Variants in B3GAT2 observed in about 807,000 individuals in gnomAD.
The protein encoded by B3GAT2 is galactosylgalactosylxylosylprotein 3-beta-glucuronosyltransferase 2.
Under a neutral mutation model 27.8 loss-of-function variants are expected in B3GAT2, and 26 were observed. That is an observed-to-expected ratio of 0.93 (90% CI 0.68 to 1.30). The LOEUF (loss-of-function observed/expected upper bound fraction) is 1.30, where lower values mean the gene tolerates loss of function less well. B3GAT2 is among the 50% of genes most tolerant of loss of function. B3GAT2 has a pLI of 0.00. For synonymous variants in B3GAT2, 218 were observed against 195.1 expected, an observed-to-expected ratio of 1.12 and a Z score of -0.98; for missense variants, 458 against 459.0, an observed-to-expected ratio of 1.00 and a Z score of 0.02.
intron 1 of B3GAT2, among the ~76,000 whole-genome samples, chr6:70,917,365 A>AT (rs879517057): frequency 4.0e-5 from 6 of 151,034 alleles, no homozygotes; most frequent in South Asian, 2.1e-4. Context: ...GGGTTCATTG[A>AT]TTTTTTTTAA....
At position 70,860,325 on chromosome 6, in the gene B3GAT2, G is replaced by C. The variant is rs1232385652; in HGVS notation, c.*1338C>G. The C allele has an allele frequency of 4.4e-6, 7 of 1,606,212 alleles. No homozygotes were observed. Among genetic ancestry groups the C allele is most frequent in the Middle Eastern group, 1.7e-4 (1 of 6,028 alleles). ...CAGGTCAGACTCTCAGCACACAACT[G>C]TGGAAATGAAAACTGCAATACAAGT... On this transcript the variant is annotated 3_prime_UTR_variant, in exon 4 of 4. Coordinates refer to ENST00000230053, the MANE Select transcript of B3GAT2 (RefSeq NM_080742.3).
chr6:70,892,235 C>T (rs1310448481), intron 2 of B3GAT2, among the ~76,000 whole-genome samples: 1 of 152,120 alleles, frequency 6.6e-6, no homozygotes, highest in African/African-American at 2.4e-5. Flanking sequence ...AAAAGAATTC[C>T]CACAGAATTT....
rs554092367 is a variant in B3GAT2, at chr6:70,945,894, C to G, written c.591+9945G>C. Among the ~76,000 whole-genome samples, 334 of 151,868 alleles carry G rather than the reference C, an allele frequency of 2.2e-3. 2 individuals carry two copies. Among genetic ancestry groups the G allele is most frequent in the Non-Finnish European group, 3.1e-3 (208 of 67,988 alleles). On this transcript the variant is annotated intron_variant, in intron 1 of 3. Coordinates refer to ENST00000230053, the MANE Select transcript of B3GAT2 (RefSeq NM_080742.3). ...ATCTCTCGGCAGAAACTCTACAAGC[C>G]AGAAGAGAGTGGGGGCCAATATTCA...
intron 1 of B3GAT2, among the ~76,000 whole-genome samples, chr6:70,897,422 A>C (rs1411934953): frequency 6.6e-6 from 1 of 151,970 alleles, no homozygotes; most frequent in Non-Finnish European, 1.5e-5. Flanking sequence ...TTTATGGATC[A>C]TGCTTTTGAT....
At chr6:70,917,217 T>C (rs182845843) in intron 1 of B3GAT2, among the ~76,000 whole-genome samples, 1 of 152,346 alleles carries the variant, frequency 6.6e-6, no homozygotes, top group East Asian at 1.9e-4. Flanking sequence ...TGATGATAGT[T>C]TGTATTTCCG....
chr6:70,953,623 A>T (rs894646370), intron 1 of B3GAT2, among the ~76,000 whole-genome samples: 2 of 152,204 alleles, frequency 1.3e-5, no homozygotes, highest in Non-Finnish European at 2.9e-5. Context: ...CATGCCTATT[A>T]TGCTTAAAAT....
intron 1 of B3GAT2, among the ~76,000 whole-genome samples, chr6:70,924,565 C>G (rs185791930): frequency 2.0e-4 from 30 of 152,132 alleles, no homozygotes; most frequent in Non-Finnish European, 3.5e-4. Flanking sequence ...AAATATAGAC[C>G]AATGGACTAG....
At chr6:70,905,623 T>C (rs1772589098) in intron 1 of B3GAT2, among the ~76,000 whole-genome samples, 1 of 152,180 alleles carries the variant, frequency 6.6e-6, no homozygotes, top group South Asian at 2.1e-4. Context: ...GACAGCATGT[T>C]GCTCGCCTCT....
In B3GAT2 at chr6:70,860,150, A is replaced by G. The variant is rs368477251; in HGVS notation, c.*1513T>C. On this transcript the variant is annotated 3_prime_UTR_variant, in exon 4 of 4. Coordinates refer to ENST00000230053, the MANE Select transcript of B3GAT2 (RefSeq NM_080742.3). ...CAACTGTGTGGCTAAAGAAACAAGA[A>G]TTAAAAGTGAAGTAAGCCTCTTGAA... is the stretch of plus-strand genomic sequence containing the variant. 9.2e-6 allele frequency: 14 copies of G among 1,527,440 alleles called. No homozygotes were observed. The African/African-American group carries it at 1.9e-4, about 21-fold the overall frequency. 94.6% of individuals were successfully genotyped at this position (1,527,440 alleles called of 1,614,324 possible).
At position 70,858,251 on chromosome 6, in the gene B3GAT2, G is replaced by A. The variant is rs1176814926; in HGVS notation, c.*3412C>T. On this transcript the variant is annotated 3_prime_UTR_variant, in exon 4 of 4. Coordinates refer to ENST00000230053, the MANE Select transcript of B3GAT2 (RefSeq NM_080742.3). ...ACAGGTAGGGGTCATTTACTTTCTA[G>A]CTTCTCCCAAATCAAACCAGATTTA... 5 of 1,235,906 alleles carry A rather than the reference G, an allele frequency of 4.0e-6. No homozygotes were observed. In the African/African-American group the frequency reaches 6.6e-5, roughly 16 times the overall value. The allele number at this position is 1,235,906 out of a possible 1,614,324, so 76.6% of individuals were successfully genotyped here. A position where few individuals can be genotyped will look rare whatever the true frequency, so the allele number is the denominator to read the frequency against.
intron 1 of B3GAT2, among the ~76,000 whole-genome samples, chr6:70,951,963 C>T (rs1765584077): frequency 6.6e-6 from 1 of 152,070 alleles, no homozygotes; most frequent in Admixed American, 6.6e-5. Context: ...AGGTAAATCT[C>T]ATGTTTCCTT....
At chr6:70,931,582 C>T (rs914016190) in intron 1 of B3GAT2, among the ~76,000 whole-genome samples, 5 of 152,024 alleles carry the variant, frequency 3.3e-5, no homozygotes, top group African/African-American at 9.7e-5. Context: ...TGAGATCATT[C>T]AACGGAAGAA....
intron 1 of B3GAT2, among the ~76,000 whole-genome samples, chr6:70,927,050 C>A (rs996318467): frequency 2.0e-5 from 3 of 152,074 alleles, no homozygotes; most frequent in South Asian, 2.1e-4. Flanking sequence ...GAATTTTTAA[C>A]CCAGAATTTC....
chr6:70,925,610 C>T lies in B3GAT2; in HGVS notation c.591+30229G>A, dbSNP rs78525899. Among the ~76,000 whole-genome samples the T allele has an allele frequency of 4.8e-3, 731 of 151,980 alleles. 15 individuals carry two copies. The East Asian group carries it at 0.085, about 18-fold the overall frequency. ...CCAAGACTGGGGGAGGGGCGTCTGC[C>T]ATTGCTGAGGCTTGACTAGGTAAAC... On this transcript the variant is annotated intron_variant, in intron 1 of 3. Transcript: ENST00000230053.
At chr6:70,932,946 C>T (rs745547572) in intron 1 of B3GAT2, among the ~76,000 whole-genome samples, 12 of 152,128 alleles carry the variant, frequency 7.9e-5, no homozygotes, top group African/African-American at 2.9e-4. Context: ...AGGGTACAGG[C>T]ACATGCCACC....
chr6:70,931,343 GAAAA>G (rs1276468025), intron 1 of B3GAT2, among the ~76,000 whole-genome samples: 6 of 150,620 alleles, frequency 4.0e-5, no homozygotes, highest in African/African-American at 1.2e-4. Context: ...AATAAAAAAA[GAAAA>G]AAAAAGAGAA....
At chr6:70,889,179 G>A (rs1772242062) in intron 2 of B3GAT2, among the ~76,000 whole-genome samples, 1 of 152,058 alleles carries the variant, frequency 6.6e-6, no homozygotes. Context: ...GGAGTCAGAG[G>A]TGACTCTATC....
intron 2 of B3GAT2, among the ~76,000 whole-genome samples, chr6:70,883,417 T>C (rs1370679916): frequency 7.3e-6 from 1 of 137,710 alleles, no homozygotes; most frequent in Non-Finnish European, 1.6e-5. Context: ...TTCTGATACA[T>C]AATATAATAT....
At chr6:70,931,904 T>G (rs937250935) in intron 1 of B3GAT2, among the ~76,000 whole-genome samples, 1 of 152,098 alleles carries the variant, frequency 6.6e-6, no homozygotes, top group South Asian at 2.1e-4. Context: ...ATCCAAAATA[T>G]CTAAAGAATT....
Sources: gnomAD v4.1 joint callset for allele counts (sites outside exome capture counted in the v4.1 genomes callset) on GRCh38, gnomAD v4.1.1 for gene constraint, MANE v1.5 for transcripts, NCBI Gene and HGNC (gene_info 2026-07-23, HGNC 2026-07-21) for gene names.